The following TAFA5 variants were observed in gnomAD, a reference collection of about 807,000 sequenced individuals.
TAFA5 encodes TAFA chemokine like family member 5.
In TAFA5, 6 loss-of-function variants were observed where a neutral mutation model predicts 15.3. The observed-to-expected ratio is 0.39, with a 90% CI of 0.21 to 0.77. The LOEUF is 0.77. Among genes scored for constraint, TAFA5 ranks in the 30% least tolerant of loss-of-function variants. The probability of loss-of-function intolerance (pLI) is 0.41; values close to 1 mark genes in which losing one functional copy is unlikely to be tolerated. For synonymous variants in TAFA5, 103 were observed against 80.7 expected, an observed-to-expected ratio of 1.28 and a Z score of -1.48; for missense variants, 161 against 193.1, an observed-to-expected ratio of 0.83 and a Z score of 0.98.
chr22:48,532,281 G>C (rs1050734137), intron 1 of TAFA5, among the ~76,000 whole-genome samples: 1 of 152,210 alleles, frequency 6.6e-6, no homozygotes, highest in Non-Finnish European at 1.5e-5. Context: ...GAGGCCGCAC[G>C]TCTAATCTTC....
intron 1 of TAFA5, among the ~76,000 whole-genome samples, chr22:48,632,815 C>G (rs1006957955): frequency 1.1e-4 from 16 of 152,150 alleles, no homozygotes; most frequent in African/African-American, 3.9e-4. Context: ...GGCTCCAGGG[C>G]GGAGTCTCTG....
At chr22:48,638,387 GCA>G (rs891725657) in intron 1 of TAFA5, among the ~76,000 whole-genome samples, 1 of 83,976 alleles carries the variant, frequency 1.2e-5, no homozygotes, top group African/African-American at 4.6e-5. Flanking sequence ...CTGGGACACC[GCA>G]CACAGGGGGG....
intron 1 of TAFA5, among the ~76,000 whole-genome samples, chr22:48,516,592 G>A (rs1053198225): frequency 6.6e-6 from 1 of 152,264 alleles, no homozygotes; most frequent in East Asian, 1.9e-4. Flanking sequence ...AGCTCTGAAC[G>A]TTGCAGGGTG....
chr22:48,507,544 C>A (rs1031641467), intron 1 of TAFA5, among the ~76,000 whole-genome samples: 1 of 152,208 alleles, frequency 6.6e-6, no homozygotes. Context: ...GGTTTGCCAG[C>A]CCCTTTTGCC....
chr22:48,594,841 C>CAAGT (rs1924704326), intron 1 of TAFA5, among the ~76,000 whole-genome samples: 1 of 151,468 alleles, frequency 6.6e-6, no homozygotes, highest in Non-Finnish European at 1.5e-5. Flanking sequence ...GCCCCGGAGG[C>CAAGT]AAGTGCAGCT....
intron 1 of TAFA5, among the ~76,000 whole-genome samples, chr22:48,612,079 T>C (rs1185257935): frequency 6.6e-6 from 1 of 152,018 alleles, no homozygotes; most frequent in Non-Finnish European, 1.5e-5. Context: ...CACAGGGCGC[T>C]GTGCCTGTGG....
chr22:48,719,639 C>T (rs1929509397), intron 3 of TAFA5, among the ~76,000 whole-genome samples: 3 of 152,330 alleles, frequency 2.0e-5, no homozygotes, highest in Non-Finnish European at 1.5e-5. Flanking sequence ...TGAGAGACGG[C>T]GCAGGGGTGG....
At chr22:48,659,678 C>T (rs1471663604) in intron 2 of TAFA5, among the ~76,000 whole-genome samples, 1 of 152,208 alleles carries the variant, frequency 6.6e-6, no homozygotes, top group Non-Finnish European at 1.5e-5. Flanking sequence ...CTGCTGTCCT[C>T]TCTGAGCTGT....
intron 1 of TAFA5, among the ~76,000 whole-genome samples, chr22:48,554,521 G>T (rs1241099618): frequency 2.6e-5 from 4 of 152,122 alleles, no homozygotes; most frequent in African/African-American, 9.7e-5. Flanking sequence ...GGAAAGGAGG[G>T]TATTATGGAT....
chr22:48,691,302 G>A (rs375275841), intron 2 of TAFA5, among the ~76,000 whole-genome samples: 4 of 152,336 alleles, frequency 2.6e-5, no homozygotes, highest in South Asian at 2.1e-4. Flanking sequence ...AAGGATGGGC[G>A]GGGCCGTCTT....
intron 2 of TAFA5, chr22:48,693,135 A>C: frequency 1.5e-6 from 1 of 686,842 alleles, no homozygotes; most frequent in Non-Finnish European, 2.4e-6. Context: ...TGAGCGCAGG[A>C]CGTGACCTCG....
At chr22:48,502,509 C>T (rs943429266) in intron 1 of TAFA5, among the ~76,000 whole-genome samples, 5 of 148,690 alleles carry the variant, frequency 3.4e-5, no homozygotes, top group African/African-American at 1.3e-4. Context: ...TGGGAGTGGC[C>T]TCTCTTTGGA....
intron 2 of TAFA5, among the ~76,000 whole-genome samples, chr22:48,678,323 G>T (rs1928041065): frequency 6.6e-6 from 1 of 152,210 alleles, no homozygotes; most frequent in African/African-American, 2.4e-5. Flanking sequence ...TCCACACCTG[G>T]ATGCAGTGGT....
chr22:48,495,876 G>T (rs1225352489), intron 1 of TAFA5, among the ~76,000 whole-genome samples: 2 of 152,210 alleles, frequency 1.3e-5, no homozygotes, highest in Non-Finnish European at 2.9e-5. Context: ...CCAGGTGGGA[G>T]TCTCCATCCC....
At chr22:48,664,969 G>A (rs1004723650) in intron 2 of TAFA5, among the ~76,000 whole-genome samples, 1 of 152,170 alleles carries the variant, frequency 6.6e-6, no homozygotes, top group Non-Finnish European at 1.5e-5. Context: ...GGAGTGGCAG[G>A]GCTGTGACCT....
chr22:48,744,257 G>A (rs1930263753), intron 3 of TAFA5, among the ~76,000 whole-genome samples: 1 of 152,220 alleles, frequency 6.6e-6, no homozygotes, highest in South Asian at 2.1e-4. Flanking sequence ...TGGGCCCTGT[G>A]CGTTGAGCAT....
chr22:48,719,699 T>A (rs1347603251), intron 3 of TAFA5, among the ~76,000 whole-genome samples: 2 of 152,254 alleles, frequency 1.3e-5, no homozygotes, highest in African/African-American at 4.8e-5. Context: ...ATCTTTTTTC[T>A]GCACAAACAA....
intron 1 of TAFA5, among the ~76,000 whole-genome samples, chr22:48,507,711 G>T (rs5767177): frequency 1.2e-4 from 19 of 152,218 alleles, no homozygotes; most frequent in Non-Finnish European, 2.5e-4. Flanking sequence ...AGGGAGAGCG[G>T]GCTGGAAACA....
At chr22:48,636,884 C>T (rs1306826628) in intron 1 of TAFA5, among the ~76,000 whole-genome samples, 1 of 152,178 alleles carries the variant, frequency 6.6e-6, no homozygotes, top group Non-Finnish European at 1.5e-5. Context: ...CAGTGTAGGG[C>T]AGAGTGTAGT....
Sources: gnomAD v4.1 joint callset for allele counts (sites outside exome capture counted in the v4.1 genomes callset) on GRCh38, gnomAD v4.1.1 for gene constraint, MANE v1.5 for transcripts, NCBI Gene and HGNC (gene_info 2026-07-23, HGNC 2026-07-21) for gene names.